Variants in PLD5 observed in about 807,000 individuals in gnomAD.
The protein encoded by PLD5 is phospholipase D family member 5, also known as inactive phospholipase D5.
Under a neutral mutation model 61.1 loss-of-function variants are expected in PLD5, and 36 were observed. The ratio of observed to expected loss-of-function variants is 0.59; its 90% CI spans 0.45 to 0.78. PLD5 has a LOEUF of 0.78. Ranked by LOEUF, PLD5 falls within the 30% of genes least tolerant of loss-of-function variation. The pLI is 0.00. For missense variants in PLD5, 515 were observed against 644.4 expected, an observed-to-expected ratio of 0.80 and a Z score of 2.17; for synonymous variants, 243 against 242.8, an observed-to-expected ratio of 1.00 and a Z score of -0.01.
At chr1:242,302,502 G>A (rs1420507386) in intron 2 of PLD5, among the ~76,000 whole-genome samples, 1 of 150,912 alleles carries the variant, frequency 6.6e-6, no homozygotes, top group African/African-American at 2.4e-5. Flanking sequence ...AGGACTGCTT[G>A]AGGCCAGGAG....
intron 6 of PLD5, among the ~76,000 whole-genome samples, chr1:242,122,939 G>C (rs1361018669): frequency 1.3e-5 from 2 of 152,172 alleles, no homozygotes; most frequent in African/African-American, 4.8e-5. Flanking sequence ...ATCAACCAAG[G>C]TTGAAATAGC....
At chr1:242,103,306 C>G (rs1392686174) in intron 8 of PLD5, among the ~76,000 whole-genome samples, 1 of 152,230 alleles carries the variant, frequency 6.6e-6, no homozygotes, top group East Asian at 1.9e-4. Flanking sequence ...GACTCAGGCA[C>G]TGTCCTGGGT....
At chr1:242,164,347 G>A (rs543991525) in intron 5 of PLD5, among the ~76,000 whole-genome samples, 10 of 151,604 alleles carry the variant, frequency 6.6e-5, no homozygotes, top group African/African-American at 2.4e-4. Flanking sequence ...TTATCCAAAC[G>A]AAACTGTACA....
At chr1:242,241,885 A>C (rs376227846) in intron 4 of PLD5, among the ~76,000 whole-genome samples, 1 of 33,154 alleles carries the variant, frequency 3.0e-5, no homozygotes, top group African/African-American at 1.1e-4. Context: ...ATATATATAT[A>C]TATATATATA....
chr1:242,463,482 C>T (rs766254390), intron 1 of PLD5, among the ~76,000 whole-genome samples: 7 of 152,188 alleles, frequency 4.6e-5, no homozygotes, highest in Admixed American at 6.5e-5. Flanking sequence ...TTCATCCAGT[C>T]TCCCAAAGGG....
rs1414097217 is a variant in PLD5, at chr1:242,394,052, C to T, written c.190-45810G>A. ...TCCAGCCTGGATAAGACGACGACTCCATCTCAAAAAAAAACATATATATAT... is the reference window on the plus strand; with the variant it reads ...TCCAGCCTGGATAAGACGACGACTCTATCTCAAAAAAAAACATATATATAT... On this transcript the variant is annotated intron_variant, in intron 1 of 9. Transcript: ENST00000536534. 4.4e-5 allele frequency among the ~76,000 whole-genome samples: 6 copies of T among 136,742 alleles called. 1 individual carries two copies. Among genetic ancestry groups the T allele is most frequent in the East Asian group, 4.4e-4 (2 of 4,590 alleles). 89.7% of individuals were successfully genotyped at this position (136,742 alleles called of 152,430 possible). A position where few individuals can be genotyped will look rare whatever the true frequency, so the allele number is the denominator to read the frequency against.
intron 1 of PLD5, among the ~76,000 whole-genome samples, chr1:242,411,942 G>GA (rs142488850): frequency 0.24 from 36,127 of 150,146 alleles, 4,831 homozygotes; most frequent in Admixed American, 0.3. Context: ...CTTTAAAAAA[G>GA]AAAAAAAAAG....
chr1:242,241,933 CTT>C (rs1672063943), intron 4 of PLD5, among the ~76,000 whole-genome samples: 1 of 93,716 alleles, frequency 1.1e-5, no homozygotes, highest in Non-Finnish European at 2.2e-5. Context: ...TATATATACG[CTT>C]ATATATATAT....
intron 1 of PLD5, among the ~76,000 whole-genome samples, chr1:242,441,579 A>G (rs1246501615): frequency 1.3e-5 from 2 of 152,196 alleles, no homozygotes; most frequent in African/African-American, 4.8e-5. Context: ...ATCTTCCCTT[A>G]AGATGAAATA....
intron 6 of PLD5, among the ~76,000 whole-genome samples, chr1:242,119,977 A>G (rs1284094244): frequency 1.3e-5 from 2 of 152,246 alleles, no homozygotes; most frequent in Non-Finnish European, 1.5e-5. Flanking sequence ...CATACAATGG[A>G]ATTATTTAAC....
intron 1 of PLD5, among the ~76,000 whole-genome samples, chr1:242,408,446 C>T (rs1194524646): frequency 6.6e-6 from 1 of 152,204 alleles, no homozygotes; most frequent in Non-Finnish European, 1.5e-5. Flanking sequence ...ACTGATCTCT[C>T]ATGAATGGTT....
At chr1:242,505,186 C>T (rs927483381) in intron 1 of PLD5, among the ~76,000 whole-genome samples, 2 of 152,102 alleles carry the variant, frequency 1.3e-5, no homozygotes, top group Non-Finnish European at 2.9e-5. Context: ...AAATTTGGAA[C>T]ATTAACAATA....
intron 5 of PLD5, among the ~76,000 whole-genome samples, chr1:242,182,310 C>T (rs1667568541): frequency 6.6e-6 from 1 of 152,142 alleles, no homozygotes; most frequent in South Asian, 2.1e-4. Flanking sequence ...CCCTAAGACA[C>T]CAAAGAAATT....
At chr1:242,486,155 G>A (rs557058256) in intron 1 of PLD5, among the ~76,000 whole-genome samples, 29 of 152,212 alleles carry the variant, frequency 1.9e-4, no homozygotes, top group African/African-American at 5.8e-4. Flanking sequence ...ATAGGCATGG[G>A]CAAGGACTTC....
At chr1:242,300,413 C>T (rs567225195) in intron 2 of PLD5, among the ~76,000 whole-genome samples, 4 of 152,080 alleles carry the variant, frequency 2.6e-5, no homozygotes, top group Non-Finnish European at 2.9e-5. Context: ...CATTGCACTC[C>T]AGCCTGGGGT....
At chr1:242,127,259 A>G (rs1483072647) in intron 5 of PLD5, among the ~76,000 whole-genome samples, 1 of 152,210 alleles carries the variant, frequency 6.6e-6, no homozygotes, top group Non-Finnish European at 1.5e-5. Flanking sequence ...TCCTTAAAGA[A>G]TTAAAAGTAG....
At chr1:242,349,455 G>T (rs1290475960) in intron 1 of PLD5, among the ~76,000 whole-genome samples, 3 of 152,196 alleles carry the variant, frequency 2.0e-5, no homozygotes, top group African/African-American at 7.2e-5. Context: ...CTGAGAAGAG[G>T]ATTCCATTTA....
intron 1 of PLD5, chr1:242,376,934 T>A: frequency 6.2e-7 from 1 of 1,605,408 alleles, no homozygotes; most frequent in Non-Finnish European, 8.5e-7. Context: ...ATTTCTCGGC[T>A]GAGCTCATCC....
chr1:242,474,714 A>G (rs891183210), intron 1 of PLD5, among the ~76,000 whole-genome samples: 4 of 151,994 alleles, frequency 2.6e-5, no homozygotes, highest in Non-Finnish European at 4.4e-5. Context: ...GCTACCCCTC[A>G]TCTTTCATTT....
Sources: allele counts gnomAD v4.1 joint callset (sites outside exome capture counted in the v4.1 genomes callset), GRCh38; gene constraint gnomAD v4.1.1; transcripts MANE v1.5; gene names NCBI Gene and HGNC (gene_info 2026-07-23, HGNC 2026-07-21).